GLI2: variants seen among roughly 807,000 people sequenced by gnomAD.
GLI2 encodes GLI family zinc finger 2.
GLI2 carries 22 observed loss-of-function variants against 78.9 expected under a neutral mutation model. That is an observed-to-expected ratio of 0.28 (90% CI 0.20 to 0.40). The LOEUF is 0.40. Ranked by LOEUF, GLI2 falls within the 10% of genes least tolerant of loss-of-function variation. The pLI, the probability that GLI2 is intolerant of heterozygous loss-of-function variation, is 1.00. For synonymous variants in GLI2, 974 were observed against 963.7 expected, an observed-to-expected ratio of 1.01 and a Z score of -0.20; for missense variants, 2,097 against 2,213.2, an observed-to-expected ratio of 0.95 and a Z score of 1.05.
In GLI2 at chr2:120,990,053, C is replaced by G; in HGVS notation, c.4088C>G (p.Thr1363Ser). Reference protein sequence around the residue: ...QPRPPLEPSPTGRHRGVRAVQ... With the variant: ...QPRPPLEPSPSGRHRGVRAVQ... ...CGGCCTCCCCTCGAGCCCAGCCCCA[C>G]TGGCCGCCACCGTGGGGTACGTGCT... The change falls in exon 14 of 14, where the codon ACT (threonine) becomes AGT (serine). Residue 1363 changes from threonine (T) to serine (S), a missense_variant. By Grantham distance (58) the Thr-to-Ser change is moderately conservative. Around this residue, in one of 5 missense-constraint regions of GLI2, gnomAD observed 1,290 missense variants for 1,261.7 expected, o/e 1.02. Transcript: ENST00000361492. 1 of 1,601,988 alleles carries G rather than the reference C, an allele frequency of 6.2e-7. No homozygotes were observed. The highest frequency in any genetic ancestry group is 8.5e-7 in the Non-Finnish European group (1 of 1,173,348).
chr2:120,752,712 ATG>A (rs1682916789), intron 1 of GLI2, among the ~76,000 whole-genome samples: 1 of 152,226 alleles, frequency 6.6e-6, no homozygotes, highest in African/African-American at 2.4e-5. Context: ...CCTCTCAAGA[ATG>A]CTAGTTTTTT....
chr2:120,921,706 A>G (rs149617547), intron 2 of GLI2, among the ~76,000 whole-genome samples: 1 of 152,254 alleles, frequency 6.6e-6, no homozygotes, highest in Non-Finnish European at 1.5e-5. Context: ...CTTGTACAGC[A>G]TTTCCAAAAG....
chr2:120,958,892 C>T lies in GLI2; in HGVS notation c.643+3462C>T, dbSNP rs1005968243. ...TTCTCCTTACGTATGGCCGATGGCCCGCCCTGTCAGGTCTGGGAGCACATC... is the reference window on the plus strand; with the variant it reads ...TTCTCCTTACGTATGGCCGATGGCCTGCCCTGTCAGGTCTGGGAGCACATC... On this transcript the variant is annotated intron_variant, in intron 5 of 13. Coordinates refer to ENST00000361492, the MANE Select transcript of GLI2 (RefSeq NM_001374353.1). Among the ~76,000 whole-genome samples the T allele has an allele frequency of 6.6e-5, 10 of 152,354 alleles. No individual in the cohort carries two copies. The East Asian group carries it at 7.7e-4, about 12-fold the overall frequency.
intron 7 of GLI2, among the ~76,000 whole-genome samples, chr2:120,971,401 G>C (rs1682160707): frequency 6.6e-6 from 1 of 152,250 alleles, no homozygotes; most frequent in Admixed American, 6.5e-5. Flanking sequence ...AGGACACCAT[G>C]TCCTCTAGAA....
At position 120,890,738 on chromosome 2, in the gene GLI2, A is replaced by G. The variant is rs529072577; in HGVS notation, c.149-36623A>G. The stretch of plus-strand genomic sequence containing the variant: ...GCGAATTACGTCACGTGTCTTCACT[A>G]GCTTGTCCTCAAGTAAGCAAGCCGT... On this transcript the variant is annotated intron_variant, in intron 2 of 13. Transcript: ENST00000361492. Among the ~76,000 whole-genome samples the G allele has an allele frequency of 5.3e-5, 8 of 152,352 alleles. No individual in the cohort carries two copies. The South Asian group carries it at 1.7e-3, about 32-fold the overall frequency.
chr2:120,971,817 A>T (rs1463851581), intron 7 of GLI2, 124 bp from the exon 8 acceptor site: 1 of 856,456 alleles, frequency 1.2e-6, no homozygotes. Flanking sequence ...TATTTCTGAT[A>T]CTTTAAACAC....
At chr2:120,911,111 T>C (rs968271572) in intron 2 of GLI2, among the ~76,000 whole-genome samples, 3 of 152,072 alleles carry the variant, frequency 2.0e-5, no homozygotes, top group African/African-American at 7.2e-5. Context: ...ACCTGGGCCT[T>C]CCCCCGGCCT....
rs1684638846 is a variant in GLI2 at position 120,800,320 on chromosome 2, G to C, written c.148+2852G>C. On this transcript the variant is annotated intron_variant, in intron 2 of 13. Transcript: ENST00000361492. The surrounding 1 kb of genome is among the most constrained non-coding windows in gnomAD (Gnocchi z 4.1). ...GCGACTGCTCTGAGGCCTGTTTGCT[G>C]GGGGCAGGAGCAGACTGAGTCGACT... Among the ~76,000 whole-genome samples, 1 of 151,946 alleles carries C rather than the reference G, an allele frequency of 6.6e-6. No individual in the cohort carries two copies. The highest frequency in any genetic ancestry group is 1.5e-5 in the Non-Finnish European group (1 of 67,964).
At chr2:120,956,876 A>G (rs1681293249) in intron 5 of GLI2, among the ~76,000 whole-genome samples, 1 of 152,026 alleles carries the variant, frequency 6.6e-6, no homozygotes, top group Admixed American at 6.5e-5. Flanking sequence ...ACCCGCCCCC[A>G]GGGCTCTGTT....
rs1277027098 is a variant in GLI2 at position 120,949,454 on chromosome 2, TG to T, written c.255-1788del. 9.8e-5 allele frequency among the ~76,000 whole-genome samples: 15 copies of T among 152,336 alleles called. No individual in the cohort carries two copies. In the East Asian group the frequency reaches 2.7e-3, roughly 27 times the overall value. On this transcript the variant is annotated intron_variant, in intron 3 of 13. Coordinates refer to ENST00000361492, the MANE Select transcript of GLI2 (RefSeq NM_001374353.1). ...TGAGCATGCAGAAGAGCCTCGGACA[TG>T]CCCTGCTCCCAGGCAGAGCCTGGGA...
chr2:120,884,986 T>TG (rs1052947841), intron 2 of GLI2, among the ~76,000 whole-genome samples: 5 of 152,218 alleles, frequency 3.3e-5, no homozygotes, highest in African/African-American at 9.6e-5. Flanking sequence ...ACAGCTGGGC[T>TG]GCTCCTGGCT....
intron 3 of GLI2, among the ~76,000 whole-genome samples, chr2:120,932,338 C>G (rs1287803631): frequency 6.6e-6 from 1 of 152,174 alleles, no homozygotes; most frequent in African/African-American, 2.4e-5. Context: ...CTTGCACCTC[C>G]TGCTTTCCAC....
intron 2 of GLI2, among the ~76,000 whole-genome samples, chr2:120,824,457 C>T (rs1334991911): frequency 6.6e-6 from 1 of 152,218 alleles, no homozygotes; most frequent in East Asian, 1.9e-4. Flanking sequence ...GATCCTCAGG[C>T]CCACCCTCTG....
chr2:120,945,413 G>A (rs1196094844), intron 3 of GLI2, among the ~76,000 whole-genome samples: 3 of 152,138 alleles, frequency 2.0e-5, no homozygotes, highest in South Asian at 4.2e-4. Flanking sequence ...CTCCAGCCTC[G>A]GCCACTGTGG....
At position 120,988,883 on chromosome 2, in the gene GLI2, C is replaced by A; in HGVS notation, c.2918C>A (p.Thr973Asn). ...SLPRVQRFHSTHNVNPGPLPP... is the reference protein window; with the variant it reads ...SLPRVQRFHSNHNVNPGPLPP... The stretch of plus-strand genomic sequence containing the variant: ...CCGCGGGTGCAGCGCTTCCACAGCA[C>A]CCACAACGTGAACCCCGGCCCGCTG... Residue 973 changes from threonine to asparagine, a missense_variant, in exon 14 of 14, where the codon ACC (threonine) becomes AAC (asparagine). By Grantham distance (65) the Thr-to-Asn change is moderately conservative. Transcript: ENST00000361492. The A allele has an allele frequency of 6.6e-7, 1 of 1,504,902 alleles. No individual in the cohort carries two copies. The highest frequency in any genetic ancestry group is 1.4e-5 in the African/African-American group (1 of 70,508). The allele number at this position is 1,504,902 out of a possible 1,614,324, so 93.2% of individuals were successfully genotyped here. A position where few individuals can be genotyped will look rare whatever the true frequency, so the allele number is the denominator to read the frequency against.
At chr2:120,846,808 A>G (rs564535496) in intron 2 of GLI2, among the ~76,000 whole-genome samples, 2 of 152,302 alleles carry the variant, frequency 1.3e-5, no homozygotes, top group African/African-American at 4.8e-5. Flanking sequence ...CCATGTTTCT[A>G]GCTGCATCTC....
At chr2:120,769,088 G>T (rs889357279) in intron 1 of GLI2, among the ~76,000 whole-genome samples, 1 of 152,186 alleles carries the variant, frequency 6.6e-6, no homozygotes, top group Non-Finnish European at 1.5e-5. Context: ...AACAGCAAGA[G>T]CATCTCTGAC....
At position 120,781,653 on chromosome 2, in the gene GLI2, C is replaced by T. The variant is rs559058695; in HGVS notation, c.-30-15638C>T. 4.3e-3 allele frequency among the ~76,000 whole-genome samples: 658 copies of T among 152,262 alleles called. 1 individual carries two copies. Among genetic ancestry groups the T allele is most frequent in the Non-Finnish European group, 6.8e-3 (464 of 68,012 alleles). ...ATCCCAGCACTTTGGGAGGCCGAGG[C>T]GGGTGGATCACCTGAGGTCAGGAGT... On this transcript the variant is annotated intron_variant, in intron 1 of 13. Transcript: ENST00000361492.
chr2:120,780,741 C>T (rs1683821804), intron 1 of GLI2, among the ~76,000 whole-genome samples: 1 of 152,200 alleles, frequency 6.6e-6, no homozygotes, highest in East Asian at 1.9e-4. Flanking sequence ...AGTCCTGGGT[C>T]GTTTCCAGCC....
Sources: allele counts gnomAD v4.1 joint callset (sites outside exome capture counted in the v4.1 genomes callset), GRCh38; gene constraint gnomAD v4.1.1; regional missense constraint gnomAD v4.1.1; non-coding constraint Gnocchi (gnomAD v3.1); transcripts MANE v1.5; gene names NCBI Gene and HGNC (gene_info 2026-07-23, HGNC 2026-07-21).